The following TRPM3 variants were observed in gnomAD, a reference collection of about 807,000 sequenced individuals.
The protein encoded by TRPM3 is transient receptor potential cation channel subfamily M member 3.
TRPM3 carries 77 observed loss-of-function variants against 181.2 expected under a neutral mutation model. The observed-to-expected ratio is 0.42, with a 90% CI of 0.35 to 0.51. The LOEUF (loss-of-function observed/expected upper bound fraction) is 0.51. TRPM3 is among the 20% of genes least tolerant of loss of function. TRPM3 has a pLI of 0.01. For synonymous variants in TRPM3, 745 were observed against 796.4 expected (o/e 0.94, Z 1.09); for missense variants, 1,759 against 2,196.7 (o/e 0.80, Z 3.98).
At chr9:70,538,086 C>A (rs767601785) in intron 25 of TRPM3, among the ~76,000 whole-genome samples, 1 of 152,112 alleles carries the variant, frequency 6.6e-6, no homozygotes, top group Non-Finnish European at 1.5e-5. Flanking sequence ...TCCCTTCATT[C>A]ATAAAGGAAA....
intron 1 of TRPM3, among the ~76,000 whole-genome samples, chr9:71,096,590 A>ACACACTCTCTCT (rs1452142664): frequency 1.9e-3 from 172 of 90,026 alleles, no homozygotes; most frequent in Middle Eastern, 9.6e-3. Flanking sequence ...ACACACACAC[A>ACACACTCTCTCT]CTCTCTCTCT....
chr9:71,083,616 CATTA>C (rs974450773), intron 1 of TRPM3, among the ~76,000 whole-genome samples: 20 of 151,542 alleles, frequency 1.3e-4, no homozygotes, highest in African/African-American at 4.1e-4. Context: ...TTACTTTATG[CATTA>C]ATTATTTTTT....
At chr9:71,068,035 G>A (rs2133469650) in intron 1 of TRPM3, among the ~76,000 whole-genome samples, 1 of 152,250 alleles carries the variant, frequency 6.6e-6, no homozygotes, top group South Asian at 2.1e-4. Flanking sequence ...GGGGTGTTAG[G>A]TTAAGAATCT....
intron 7 of TRPM3, among the ~76,000 whole-genome samples, chr9:70,766,873 A>C (rs1321485088): frequency 2.0e-5 from 3 of 152,220 alleles, no homozygotes; most frequent in African/African-American, 7.2e-5. Context: ...ATCTTTTGTA[A>C]GTTAGTGTTG....
intron 1 of TRPM3, among the ~76,000 whole-genome samples, chr9:71,143,443 G>A (rs558453624): frequency 6.6e-6 from 1 of 152,064 alleles, no homozygotes. Flanking sequence ...TGTGGTATTT[G>A]GTTTTCTGTT....
At chr9:70,603,292 G>T in intron 20 of TRPM3, 50 bp downstream of exon 20, 1 of 1,591,340 alleles carries the variant, frequency 6.3e-7, no homozygotes, top group South Asian at 1.1e-5. Context: ...TCCACAGATA[G>T]AACTTAACCA....
chr9:70,657,499 C>T (rs369663307), intron 9 of TRPM3, among the ~76,000 whole-genome samples: 2 of 152,088 alleles, frequency 1.3e-5, no homozygotes, highest in East Asian at 1.9e-4. Flanking sequence ...ATTTGGTACA[C>T]TGTAGAAGGT....
At chr9:71,095,818 T>C (rs957751346) in intron 1 of TRPM3, among the ~76,000 whole-genome samples, 4 of 149,576 alleles carry the variant, frequency 2.7e-5, no homozygotes, top group Non-Finnish European at 5.9e-5. Context: ...AGAGAGAGAC[T>C]GACAAAATTT....
At chr9:71,213,755 G>C (rs1221417983) in intron 1 of TRPM3, among the ~76,000 whole-genome samples, 1 of 152,100 alleles carries the variant, frequency 6.6e-6, no homozygotes, top group Non-Finnish European at 1.5e-5. Context: ...TTCAAATTCT[G>C]ACCAGGCAGC....
At chr9:71,352,350 T>C (rs928340035) in intron 1 of TRPM3, among the ~76,000 whole-genome samples, 1 of 152,186 alleles carries the variant, frequency 6.6e-6, no homozygotes, top group Non-Finnish European at 1.5e-5. Context: ...AACTCAAATA[T>C]AGTATAACTT....
intron 1 of TRPM3, among the ~76,000 whole-genome samples, chr9:71,134,511 C>G (rs369447618): frequency 7.6e-6 from 1 of 131,438 alleles, no homozygotes. Context: ...AAGATCGTGA[C>G]AGTGCACTAT....
At chr9:70,967,597 AGT>A (rs1405056934) in intron 1 of TRPM3, among the ~76,000 whole-genome samples, 4 of 152,200 alleles carry the variant, frequency 2.6e-5, no homozygotes, top group African/African-American at 9.6e-5. Context: ...GCATTCTCAA[AGT>A]GTGTCCCATG....
chr9:71,337,536 C>T (rs1376681848), intron 1 of TRPM3, among the ~76,000 whole-genome samples: 1 of 152,114 alleles, frequency 6.6e-6, no homozygotes, highest in Non-Finnish European at 1.5e-5. Context: ...CCTCAAGGAT[C>T]TAGAACCAGA....
At chr9:71,124,008 T>C (rs1236132305), upstream of TRPM3, among the ~76,000 whole-genome samples, 1 of 152,106 alleles carries the variant, frequency 6.6e-6, no homozygotes, top group East Asian at 1.9e-4. Flanking sequence ...TGTTAGAAAC[T>C]ATGCAGAGTG....
Position 70,593,210 on chromosome 9 carries a change from T to C in TRPM3, c.3049-2005A>G, listed in dbSNP as rs2058432815. On this transcript the variant is annotated intron_variant, in intron 21 of 25. Transcript: ENST00000677713. ...AAAATCTGACATCCATTCATATTTT[T>C]AAATAGTCTTTAAAGTTGTATGCTA... Among the ~76,000 whole-genome samples, 5 of 152,336 alleles carry C rather than the reference T, an allele frequency of 3.3e-5. No individual in the cohort carries two copies. In the South Asian group the frequency reaches 1.0e-3, roughly 32 times the overall value.
At chr9:71,072,395 G>A (rs759293129) in intron 1 of TRPM3, among the ~76,000 whole-genome samples, 17 of 151,890 alleles carry the variant, frequency 1.1e-4, no homozygotes, top group South Asian at 2.1e-4. Context: ...TCATCTCTTC[G>A]ATAGTTAACA....
At chr9:71,020,291 A>G (rs1398188333) in intron 1 of TRPM3, among the ~76,000 whole-genome samples, 2 of 151,898 alleles carry the variant, frequency 1.3e-5, no homozygotes. Flanking sequence ...AGAAAATGAG[A>G]CCCTGTCTCT....
intron 1 of TRPM3, among the ~76,000 whole-genome samples, chr9:71,376,748 C>A (rs2092676588): frequency 6.6e-6 from 1 of 151,962 alleles, no homozygotes; most frequent in Admixed American, 6.6e-5. Flanking sequence ...CAATTATATT[C>A]TAGTTTAATA....
intron 1 of TRPM3, among the ~76,000 whole-genome samples, chr9:71,118,813 G>A (rs1242940596): frequency 6.6e-6 from 1 of 152,012 alleles, no homozygotes; most frequent in Non-Finnish European, 1.5e-5. Flanking sequence ...GAGAGAGAAG[G>A]GGGAGGAAGG....
Sources: allele counts gnomAD v4.1 joint callset (sites outside exome capture counted in the v4.1 genomes callset), GRCh38; gene constraint gnomAD v4.1.1; transcripts MANE v1.5; gene names NCBI Gene and HGNC (gene_info 2026-07-23, HGNC 2026-07-21).